The following ZBED4 variants were observed in gnomAD, a reference collection of about 807,000 sequenced individuals.
The protein encoded by ZBED4 is zinc finger BED-type containing 4, also known as zinc finger BED domain-containing protein 4.
A neutral mutation model predicts 15.5 loss-of-function variants in ZBED4; 4 were observed. The ratio of observed to expected loss-of-function variants is 0.26; its 90% confidence interval spans 0.13 to 0.59. The LOEUF (loss-of-function observed/expected upper bound fraction) is 0.59. Ranked by LOEUF, ZBED4 falls within the 20% of genes least tolerant of loss-of-function variation. ZBED4 has a pLI of 0.90. For synonymous variants in ZBED4, 692 were observed against 608.5 expected, an observed-to-expected ratio of 1.14 and a Z score of -2.02; for missense variants, 1,323 against 1,461.8, an observed-to-expected ratio of 0.91 and a Z score of 1.55.
At chr22:49,882,350 G>A (rs1287690766) in intron 1 of ZBED4, among the ~76,000 whole-genome samples, 1 of 152,194 alleles carries the variant, frequency 6.6e-6, no homozygotes, top group Non-Finnish European at 1.5e-5. Flanking sequence ...CTGGGAAGTC[G>A]AGGCTTCACT....
rs62233107 is a variant in ZBED4 at position 49,874,720 on chromosome 22, G to A, written c.-329-8614G>A. ...TTTTGAGACGGAGTCTCACTCTGTC[G>A]CCAGGCTGGAGGGCAATGGCTCGAT... On this transcript the variant is annotated intron_variant, in intron 1 of 1. Coordinates refer to ENST00000216268, the MANE Select transcript of ZBED4 (RefSeq NM_014838.3). Among the ~76,000 whole-genome samples, 791 of 104,866 alleles carry A rather than the reference G, an allele frequency of 7.5e-3. 3 individuals carry two copies. The highest frequency in any genetic ancestry group is 0.011 in the Non-Finnish European group (654 of 57,546). 68.8% of individuals were successfully genotyped at this position (104,866 alleles called of 152,430 possible).
In ZBED4 at chr22:49,883,970, C is replaced by G; in HGVS notation, c.308C>G (p.Thr103Ser). Residue 103 changes from threonine (T) to serine (S), a missense_variant, in exon 2 of 2, where the codon ACC becomes AGC. Coordinates refer to ENST00000216268, the MANE Select transcript of ZBED4 (RefSeq NM_014838.3). ...TLYDVAMEAV[T>S]QSLLSSRNMS... is the part of the protein sequence containing the mutation. ...TACGACGTGGCCATGGAGGCCGTGA[C>G]CCAGAGCCTCCTTTCCAGCCGGAAC... 1 of 1,613,424 alleles carries G rather than the reference C, an allele frequency of 6.2e-7. No individual in the cohort carries two copies. The highest frequency in any genetic ancestry group is 1.7e-5 in the Admixed American group (1 of 59,782).
intron 1 of ZBED4, among the ~76,000 whole-genome samples, chr22:49,876,519 T>A (rs150077255): frequency 0.019 from 2,839 of 152,292 alleles, 38 homozygotes; most frequent in South Asian, 0.068. Context: ...TTTTGTGATG[T>A]TGTTTGTTAT....
chr22:49,883,708 GT>G lies in ZBED4; in HGVS notation c.49del (p.Ser17LeufsTer4). ...TTGTCCCAAAGAGGACGGTGATTTC[GT>G]TTCTGATAAAATAAAGTTTAAAATA... ...KTCPKEDGDF[V>X]SDKIKFKIEE... On this transcript the variant is annotated frameshift_variant, in exon 2 of 2. Transcript: ENST00000216268. LOFTEE classifies it low-confidence loss of function (END_TRUNC). The G allele has an allele frequency of 6.2e-7, 1 of 1,605,396 alleles. No homozygotes were observed. Among genetic ancestry groups the G allele is most frequent in the Non-Finnish European group, 8.5e-7 (1 of 1,173,562 alleles).
chr22:49,877,625 T>A (rs190868599), intron 1 of ZBED4, among the ~76,000 whole-genome samples: 194 of 152,252 alleles, frequency 1.3e-3, no homozygotes, highest in African/African-American at 4.5e-3. Flanking sequence ...ATAATTGATA[T>A]ACAATAAACA....
rs778987418 is a variant in ZBED4, at chr22:49,886,727, C to T, written c.3065C>T (p.Ala1022Val). 17 of 1,612,960 alleles carry T rather than the reference C, an allele frequency of 1.1e-5. No individual in the cohort carries two copies. Among genetic ancestry groups the T allele is most frequent in the East Asian group, 2.2e-5 (1 of 44,884 alleles). The change falls in exon 2 of 2, where the codon GCG (alanine) becomes GTG (valine). Residue 1022 changes from alanine (A) to valine (V), a missense_variant. Around this residue, in one of 6 missense-constraint regions of ZBED4, gnomAD observed 312 missense variants for 410.7 expected, o/e 0.76. Transcript: ENST00000216268. This position sits in a 1 kb window ranked among gnomAD's most constrained non-coding sequence, Gnocchi z 7.7. ...YKASLFTEEE[A>V]EQYKQDLIRE... The stretch of plus-strand genomic sequence containing the variant: ...GCCTCCCTGTTTACGGAGGAGGAGG[C>T]GGAGCAGTACAAACAGGATTTAATC...
chr22:49,863,725 TGTTATA>T (rs1046451952), intron 1 of ZBED4, among the ~76,000 whole-genome samples: 23 of 152,210 alleles, frequency 1.5e-4, no homozygotes, highest in African/African-American at 5.3e-4. Flanking sequence ...CACTCTCTGG[TGTTATA>T]GTTCATGGAG....
At chr22:49,856,844 C>T (rs1295941192) in intron 1 of ZBED4, among the ~76,000 whole-genome samples, 2 of 151,166 alleles carry the variant, frequency 1.3e-5, no homozygotes, top group Non-Finnish European at 3.0e-5. Flanking sequence ...CTTCCCACCC[C>T]TCGTTCTAGG....
rs763765796 is a variant in ZBED4, at chr22:49,884,497, A to G, written c.835A>G (p.Lys279Glu). 2 of 1,614,164 alleles carry G rather than the reference A, an allele frequency of 1.2e-6. No individual in the cohort carries two copies. Among genetic ancestry groups the G allele is most frequent in the African/African-American group, 1.3e-5 (1 of 75,046 alleles). The change falls in exon 2 of 2, where the codon AAG becomes GAG. Residue 279 changes from lysine to glutamate, a missense_variant. Around this residue, in one of 6 missense-constraint regions of ZBED4, gnomAD observed 380 missense variants for 413.7 expected, o/e 0.92. Transcript: ENST00000216268. ...AGCGGAGAAGAGCCTTCCACTTCCA[A>G]AGAGCACCTCTGGGTCCAGGAGAAG... The part of the protein sequence containing the change: ...NLAEKSLPLP[K>E]STSGSRRRSA...
At chr22:49,858,476 C>T (rs951728064) in intron 1 of ZBED4, among the ~76,000 whole-genome samples, 2 of 152,184 alleles carry the variant, frequency 1.3e-5, no homozygotes, top group Non-Finnish European at 1.5e-5. Flanking sequence ...CTGAGTTGAA[C>T]ACGAATATAT....
chr22:49,870,495 T>C lies in ZBED4; in HGVS notation c.-329-12839T>C, dbSNP rs569802372. ...TAGCCTCTCCAGCATCTGTTATTTTTTTCTTTTTTTAATAAAAGCCATTGT... is the reference window on the plus strand; with the variant it reads ...TAGCCTCTCCAGCATCTGTTATTTTCTTCTTTTTTTAATAAAAGCCATTGT... On this transcript the variant is annotated intron_variant, in intron 1 of 1. Transcript: ENST00000216268. 2.6e-5 allele frequency among the ~76,000 whole-genome samples: 4 copies of C among 152,330 alleles called. No homozygotes were observed. In the South Asian group the frequency reaches 8.3e-4, roughly 32 times the overall value.
chr22:49,864,480 C>T lies in ZBED4; in HGVS notation c.-330+10491C>T, dbSNP rs146775842. Among the ~76,000 whole-genome samples, 871 of 152,226 alleles carry T rather than the reference C, an allele frequency of 5.7e-3. 25 individuals are homozygous for T. The highest frequency in any genetic ancestry group is 7.3e-3 in the East Asian group (38 of 5,188). On this transcript the variant is annotated intron_variant, in intron 1 of 1. Transcript: ENST00000216268. ...TACAGATGCTTCGCAACTCAGGACACGGCCACGTCCGATAAACCCATCAAA... is the reference window on the plus strand; with the variant it reads ...TACAGATGCTTCGCAACTCAGGACATGGCCACGTCCGATAAACCCATCAAA...
chr22:49,886,440 G>A lies in ZBED4; in HGVS notation c.2778G>A (p.Gln926=). ...TCCGAGAGCTGATCAGCTGCGACCA[G>A]TGGGAGGTCATGCAGTCCGTGTGCC... is the stretch of plus-strand genomic sequence containing the variant. The part of the protein sequence containing the change: ...CNFRELISCD[Q]WEVMQSVCRA... Residue 926 remains glutamine (Q), a synonymous_variant, in exon 2 of 2, where the codon CAG becomes CAA. Coordinates refer to ENST00000216268, the MANE Select transcript of ZBED4 (RefSeq NM_014838.3). This position sits in a 1 kb window ranked among gnomAD's most constrained non-coding sequence, Gnocchi z 7.7. 1 of 1,581,062 alleles carries A rather than the reference G, an allele frequency of 6.3e-7. No homozygotes were observed. Among genetic ancestry groups the A allele is most frequent in the Non-Finnish European group, 8.6e-7 (1 of 1,159,858 alleles).
In ZBED4 at chr22:49,884,459, C is replaced by T. The variant is rs770375318; in HGVS notation, c.797C>T (p.Pro266Leu). The T allele has an allele frequency of 1.2e-6, 2 of 1,614,246 alleles. No individual in the cohort carries two copies. Among genetic ancestry groups the T allele is most frequent in the Non-Finnish European group, 1.7e-6 (2 of 1,180,052 alleles). Residue 266 changes from proline (P) to leucine (L), a missense_variant, in exon 2 of 2, where the codon CCT becomes CTT. Pro to Leu is a moderately conservative substitution (Grantham distance 98). Transcript: ENST00000216268. ...CTCCCTGCTCTCCATTACGATGAACCTGCAGAGAACTTAGCGGAGAAGAGC... is the reference window on the plus strand; with the variant it reads ...CTCCCTGCTCTCCATTACGATGAACTTGCAGAGAACTTAGCGGAGAAGAGC... ...PHLPALHYDE[P>L]AENLAEKSLP...
chr22:49,863,258 C>T (rs886318116), intron 1 of ZBED4, among the ~76,000 whole-genome samples: 2 of 152,042 alleles, frequency 1.3e-5, no homozygotes, highest in African/African-American at 4.8e-5. Flanking sequence ...CTCCCGGGCT[C>T]AAGTGATTTT....
Position 49,883,749 on chromosome 22 carries a change from T to C in ZBED4, c.87T>C (p.Asp29=). ...KIKFKIEEED[D]DGIPPDSLER... ...AGTTTAAAATAGAAGAGGAAGATGA[T>C]GATGGAATTCCTCCTGATAGTTTGG... is the stretch of plus-strand genomic sequence containing the variant. Residue 29 remains aspartate, a synonymous_variant, in exon 2 of 2, where the codon GAT becomes GAC. Transcript: ENST00000216268. 1 of 1,612,504 alleles carries C rather than the reference T, an allele frequency of 6.2e-7. No homozygotes were observed. Among genetic ancestry groups the C allele is most frequent in the Non-Finnish European group, 8.5e-7 (1 of 1,178,856 alleles).
At chr22:49,856,381 A>G (rs2060274556) in intron 1 of ZBED4, among the ~76,000 whole-genome samples, 1 of 152,238 alleles carries the variant, frequency 6.6e-6, no homozygotes, top group Admixed American at 6.5e-5. Context: ...AGGTGAGAGC[A>G]GGGGTAATCC....
chr22:49,869,895 A>G (rs1267740974), intron 1 of ZBED4, among the ~76,000 whole-genome samples: 1 of 152,216 alleles, frequency 6.6e-6, no homozygotes, highest in East Asian at 1.9e-4. Context: ...AGTTTGGGAT[A>G]AGAATGATCG....
chr22:49,868,754 G>A (rs1214513655), intron 1 of ZBED4, among the ~76,000 whole-genome samples: 1 of 152,120 alleles, frequency 6.6e-6, no homozygotes, highest in Non-Finnish European at 1.5e-5. Flanking sequence ...GTGTTGTAGG[G>A]TTGAGCAAAT....
Sources: gnomAD v4.1 joint callset for allele counts (sites outside exome capture counted in the v4.1 genomes callset) on GRCh38, gnomAD v4.1.1 for gene constraint, gnomAD v4.1.1 regional missense constraint, Gnocchi (gnomAD v3.1) non-coding constraint, MANE v1.5 for transcripts, NCBI Gene and HGNC (gene_info 2026-07-23, HGNC 2026-07-21) for gene names.